The following SYT3 variants were observed in gnomAD, a reference collection of about 807,000 sequenced individuals.
SYT3 encodes synaptotagmin 3, also known as synaptotagmin-3.
A neutral mutation model predicts 50.6 loss-of-function variants in SYT3; 25 were observed. The observed-to-expected ratio is 0.49, with a 90% CI of 0.36 to 0.69. The LOEUF (loss-of-function observed/expected upper bound fraction) is 0.69. SYT3 is among the 30% of genes least tolerant of loss of function. SYT3 has a pLI of 0.00. For synonymous variants in SYT3, 323 were observed against 353.9 expected (o/e 0.91, Z 0.98); for missense variants, 589 against 793.6 (o/e 0.74, Z 3.10).
At position 50,629,365 on chromosome 19, in the gene SYT3, C is replaced by T. The variant is rs1451587607; in HGVS notation, c.1210G>A (p.Asp404Asn). 6.2e-7 allele frequency: 1 copy of T among 1,613,704 alleles called. No individual in the cohort carries two copies. The highest frequency in any genetic ancestry group is 8.5e-7 in the Non-Finnish European group (1 of 1,179,846). The stretch of plus-strand genomic sequence containing the variant: ...TGCTCGGCCAGCTCCAGGAGGTTGT[C>T]CAGCACCACCTGGCCGATGAGGTCG... The part of the protein sequence containing the change: ...RHDLIGQVVL[D>N]NLLELAEQPP... Residue 404 changes from aspartate to asparagine, a missense_variant, in exon 6 of 11, where the codon GAC (aspartate) becomes AAC (asparagine). Physicochemically the swap from Asp to Asn is conservative, Grantham distance 23. Coordinates refer to ENST00000600079, the MANE Select transcript of SYT3 (RefSeq NM_001160329.2).
At chr19:50,639,899 C>G (rs1984625519), upstream of SYT3, 1 of 153,172 alleles carries the variant, frequency 6.5e-6, no homozygotes, top group Non-Finnish European at 1.5e-5. The surrounding 1 kb of genome is among the most constrained non-coding windows in gnomAD (Gnocchi z 4.6). Flanking sequence ...GTCCGCGGCT[C>G]CTCCCCCTGC....
At chr19:50,656,149 T>C in the SYT3 span, 1 of 1,536,108 alleles carries the variant, frequency 6.5e-7, no homozygotes, top group South Asian at 1.2e-5. Flanking sequence ...CCCCATGACC[T>C]CTATCTTCCG....
intron 9 of SYT3, among the ~76,000 whole-genome samples, chr19:50,624,554 CTT>C (rs35518299): frequency 3.6e-5 from 5 of 137,920 alleles, no homozygotes; most frequent in Admixed American, 1.5e-4. Context: ...TCTTAAATGA[CTT>C]TTTTTTTTTT....
At chr19:50,652,200 T>C in the SYT3 span, among the ~76,000 whole-genome samples, 1 of 152,226 alleles carries the variant, frequency 6.6e-6, no homozygotes, top group Non-Finnish European at 1.5e-5. Flanking sequence ...TAAATTTCCC[T>C]AATTATCTCA....
the SYT3 span, chr19:50,649,433 C>T: frequency 2.8e-5 from 43 of 1,536,144 alleles, no homozygotes; most frequent in South Asian, 3.8e-4. Context: ...ATCCCTCACC[C>T]ACCTTCCCAG....
rs1984516574 is a variant in SYT3, at chr19:50,637,034, T to G, written c.148+230A>C. The stretch of plus-strand genomic sequence containing the variant: ...TGCAGAGAGATATCTGAAGGGGGCA[T>G]TTGGTGGTGGTAGTCGGAGGGAGGC... On this transcript the variant is annotated intron_variant, in intron 3 of 10. Coordinates refer to ENST00000600079, the MANE Select transcript of SYT3 (RefSeq NM_001160329.2). This position sits in a 1 kb window ranked among gnomAD's most constrained non-coding sequence, Gnocchi z 4.9. 6.6e-6 allele frequency among the ~76,000 whole-genome samples: 1 copy of G among 151,940 alleles called. No individual in the cohort carries two copies. The highest frequency in any genetic ancestry group is 2.4e-5 in the African/African-American group (1 of 41,336).
At position 50,635,899 on chromosome 19, in the gene SYT3, C is replaced by T. The variant is rs534552968; in HGVS notation, c.148+1365G>A. ...CTGTCCTGGACTCTGCCCTGGGTGC[C>T]TCTTCCCTTTGCTGACTTCAGTCTG... On this transcript the variant is annotated intron_variant, in intron 3 of 10. Coordinates refer to ENST00000600079, the MANE Select transcript of SYT3 (RefSeq NM_001160329.2). Among the ~76,000 whole-genome samples, 4 of 152,320 alleles carry T rather than the reference C, an allele frequency of 2.6e-5. No individual in the cohort carries two copies. The East Asian group carries it at 7.7e-4, about 29-fold the overall frequency.
At chr19:50,650,615 G>A in the SYT3 span, among the ~76,000 whole-genome samples, 3 of 152,104 alleles carry the variant, frequency 2.0e-5, no homozygotes, top group Admixed American at 6.5e-5. Flanking sequence ...AGGCTGCAGC[G>A]AGCCAAGATT....
At chr19:50,645,198 G>A in the SYT3 span, among the ~76,000 whole-genome samples, 1 of 152,222 alleles carries the variant, frequency 6.6e-6, no homozygotes. Flanking sequence ...TCTGGAATTG[G>A]AGGAAAACGC....
chr19:50,628,015 G>A (rs1984139120), intron 6 of SYT3, among the ~76,000 whole-genome samples: 1 of 152,156 alleles, frequency 6.6e-6, no homozygotes, highest in Non-Finnish European at 1.5e-5. Flanking sequence ...CCATGAAGAA[G>A]CCTACCCAAA....
chr19:50,644,831 A>C (rs114823339), upstream of SYT3, among the ~76,000 whole-genome samples: 98 of 152,024 alleles, frequency 6.4e-4, 1 homozygote, highest in African/African-American at 2.3e-3. Flanking sequence ...AAATAGATGA[A>C]GGGAGGGATG....
chr19:50,648,116 A>T, the SYT3 span, among the ~76,000 whole-genome samples: 5 of 152,120 alleles, frequency 3.3e-5, no homozygotes, highest in African/African-American at 1.2e-4. Flanking sequence ...TCTTTGGGCT[A>T]TGCTTCCCTC....
the SYT3 span, among the ~76,000 whole-genome samples, chr19:50,646,704 A>T: frequency 6.6e-6 from 1 of 152,132 alleles, no homozygotes; most frequent in African/African-American, 2.4e-5. Flanking sequence ...TTATTAAAAG[A>T]TGAGGGCATT....
In SYT3 at chr19:50,632,883, G is replaced by A. The variant is rs181646939; in HGVS notation, c.149-72C>T. On this transcript the variant is annotated intron_variant, in intron 3 of 10. Coordinates refer to ENST00000600079, the MANE Select transcript of SYT3 (RefSeq NM_001160329.2). This position sits in a 1 kb window ranked among gnomAD's most constrained non-coding sequence, Gnocchi z 4.7. ...ACATCCTCCCTCTGCTGTCCCCAAA[G>A]AGTTAACCCTTCATATTTGCCATGC... is the stretch of plus-strand genomic sequence containing the variant. 1.1e-4 allele frequency: 138 copies of A among 1,274,342 alleles called. No homozygotes were observed. In the East Asian group the frequency reaches 3.5e-3, roughly 32 times the overall value. The allele number at this position is 1,274,342 out of a possible 1,614,324, so 78.9% of individuals were successfully genotyped here. A position where few individuals can be genotyped will look rare whatever the true frequency, so the allele number is the denominator to read the frequency against.
In SYT3 at chr19:50,629,889, C is replaced by T; in HGVS notation, c.957G>A (p.Arg319=). The change falls in exon 5 of 11, where the codon AGG becomes AGA. Residue 319 remains arginine, a synonymous_variant. Coordinates refer to ENST00000600079, the MANE Select transcript of SYT3 (RefSeq NM_001160329.2). ...CAGGGAGGTCCAGGGCCTGCAGGAT[C>T]CTCACCACCAGCTGGTCCGAGCCAT... The part of the protein sequence containing the change: ...YLYGSDQLVV[R]ILQALDLPAK... The T allele has an allele frequency of 9.3e-6, 15 of 1,614,088 alleles. No individual in the cohort carries two copies. Among genetic ancestry groups the T allele is most frequent in the Non-Finnish European group, 1.3e-5 (15 of 1,179,998 alleles).
In SYT3 at chr19:50,625,260, C is replaced by T; in HGVS notation, c.1609G>A (p.Val537Met). The part of the protein sequence containing the change: ...GHNEVIGVCR[V>M]GPDAADPHGR... Reference sequence around the variant, plus strand: ...TGCGGGTCGGCAGCGTCGGGGCCCACACGGCACACGCCGATCACCTCGTTG... The same window carrying T: ...TGCGGGTCGGCAGCGTCGGGGCCCATACGGCACACGCCGATCACCTCGTTG... The change falls in exon 9 of 11, where the codon GTG (valine) becomes ATG (methionine). Residue 537 changes from valine (V) to methionine (M), a missense_variant. Transcript: ENST00000600079. The surrounding 1 kb of genome is among the most constrained non-coding windows in gnomAD (Gnocchi z 7.5). 6.4e-7 allele frequency: 1 copy of T among 1,552,564 alleles called. No individual in the cohort carries two copies. Among genetic ancestry groups the T allele is most frequent in the Non-Finnish European group, 8.7e-7 (1 of 1,153,390 alleles).
upstream of SYT3, among the ~76,000 whole-genome samples, chr19:50,641,168 ATTTTTTTTTTT>A (rs566141853): frequency 1.7e-5 from 1 of 60,218 alleles, no homozygotes; most frequent in East Asian, 4.8e-4. Flanking sequence ...GAGCCCAGGA[ATTTTTTTTTTT>A]TTTTTTTTTT....
chr19:50,637,427 C>G lies in SYT3; in HGVS notation c.-15-1G>C. 6.3e-7 allele frequency: 1 copy of G among 1,587,940 alleles called. No individual in the cohort carries two copies. The highest frequency in any genetic ancestry group is 8.6e-7 in the Non-Finnish European group (1 of 1,164,938). ...CTCCTGACATGGTGGCCGTCTGGTC[C>G]TGTGTGTGGGAGGGATGGGGCAAGG... On this transcript the variant is annotated splice_acceptor_variant, in intron 2 of 10. Coordinates refer to ENST00000600079, the MANE Select transcript of SYT3 (RefSeq NM_001160329.2). LOFTEE classifies it low-confidence loss of function (5UTR_SPLICE). The surrounding 1 kb of genome is among the most constrained non-coding windows in gnomAD (Gnocchi z 4.9).
chr19:50,644,912 G>C, the SYT3 span, among the ~76,000 whole-genome samples: 1 of 152,092 alleles, frequency 6.6e-6, no homozygotes, highest in African/African-American at 2.4e-5. Flanking sequence ...GATAGAGGAT[G>C]GTTGGGTGGA....
Sources: allele counts gnomAD v4.1 joint callset (sites outside exome capture counted in the v4.1 genomes callset), GRCh38; gene constraint gnomAD v4.1.1; non-coding constraint Gnocchi (gnomAD v3.1); transcripts MANE v1.5; gene names NCBI Gene and HGNC (gene_info 2026-07-23, HGNC 2026-07-21).